DAAM1: variants seen among roughly 807,000 people sequenced by gnomAD.
DAAM1 encodes the protein dishevelled associated activator of morphogenesis 1.
Under a neutral mutation model 130.0 loss-of-function variants are expected in DAAM1, and 52 were observed. The observed-to-expected ratio is 0.40, with a 90% confidence interval of 0.32 to 0.50. DAAM1 has a LOEUF of 0.50. Among genes scored for constraint, DAAM1 ranks in the 20% least tolerant of loss-of-function variants. DAAM1 has a pLI of 0.61. For synonymous variants in DAAM1, 452 were observed against 444.5 expected (o/e 1.02, Z -0.21); for missense variants, 1,134 against 1,303.8 (o/e 0.87, Z 2.01).
chr14:59,366,125 C>G (rs1165214081), intron 23 of DAAM1, among the ~76,000 whole-genome samples: 1 of 141,106 alleles, frequency 7.1e-6, no homozygotes, highest in African/African-American at 3.2e-5. Flanking sequence ...GTGGCATGTA[C>G]CTATAGTCCC....
intron 1 of DAAM1, among the ~76,000 whole-genome samples, chr14:59,243,185 A>G (rs771457211): frequency 6.6e-5 from 10 of 152,180 alleles, no homozygotes; most frequent in Non-Finnish European, 1.2e-4. Context: ...GTAAGTGGCT[A>G]GGGAAATTCA....
At position 59,371,393 on chromosome 14, in the gene DAAM1, C is replaced by T. The variant is rs1158220726; in HGVS notation, c.*2534C>T. 6.6e-6 allele frequency: 1 copy of T among 152,002 alleles called. No individual in the cohort carries two copies. The highest frequency in any genetic ancestry group is 6.6e-5 in the Admixed American group (1 of 15,266). 9.4% of individuals were successfully genotyped at this position (152,002 alleles called of 1,614,324 possible). On this transcript the variant is annotated 3_prime_UTR_variant, in exon 25 of 25. Transcript: ENST00000360909. ...GCAATATGCAATAAAGAGATGAATT[C>T]ATTGGGTGTACATATATGCTTTCTA...
chr14:59,236,519 TTC>T (rs761321141), intron 1 of DAAM1, among the ~76,000 whole-genome samples: 1 of 152,180 alleles, frequency 6.6e-6, no homozygotes, highest in Non-Finnish European at 1.5e-5. Context: ...CATGGCTGTC[TTC>T]TTGTCGTCGT....
At chr14:59,189,061 C>T (rs775068331) in intron 1 of DAAM1, among the ~76,000 whole-genome samples, 21 of 152,204 alleles carry the variant, frequency 1.4e-4, no homozygotes, top group Non-Finnish European at 1.5e-5. Context: ...GGACTGGGGT[C>T]CCTCCCTTTC....
chr14:59,320,703 T>TTAA, intron 5 of DAAM1, 119 bp downstream of exon 5: 1 of 627,008 alleles, frequency 1.6e-6, no homozygotes, highest in Non-Finnish European at 2.5e-6. Context: ...ATAACATACT[T>TTAA]TAATCATTAA....
At chr14:59,216,447 G>A (rs1214746980) in intron 1 of DAAM1, among the ~76,000 whole-genome samples, 1 of 152,182 alleles carries the variant, frequency 6.6e-6, no homozygotes, top group Non-Finnish European at 1.5e-5. Context: ...CAGGCAGGAC[G>A]CAGTGGCTCA....
At chr14:59,265,756 G>A (rs1882407517) in intron 2 of DAAM1, 1 of 152,242 alleles carries the variant, frequency 6.6e-6, no homozygotes, top group African/African-American at 2.4e-5. Flanking sequence ...TGTCTACTGT[G>A]GGTCTGCTAT....
intron 1 of DAAM1, among the ~76,000 whole-genome samples, chr14:59,209,749 A>G (rs1888371900): frequency 6.6e-6 from 1 of 152,206 alleles, no homozygotes; most frequent in South Asian, 2.1e-4. Flanking sequence ...TGTTATCAAC[A>G]TACAATGGCT....
intron 1 of DAAM1, among the ~76,000 whole-genome samples, chr14:59,195,985 A>G (rs1448704577): frequency 6.6e-6 from 1 of 152,068 alleles, no homozygotes; most frequent in Non-Finnish European, 1.5e-5. Flanking sequence ...AAGGTGCCAT[A>G]TTTTAAAGCG....
At chr14:59,344,523 C>T (rs138663803) in intron 16 of DAAM1, among the ~76,000 whole-genome samples, 1 of 152,326 alleles carries the variant, frequency 6.6e-6, no homozygotes, top group Non-Finnish European at 1.5e-5. Context: ...ACTAAGAACT[C>T]TGCAACCTAT....
intron 20 of DAAM1, among the ~76,000 whole-genome samples, chr14:59,355,662 TAAG>T (rs1886452599): frequency 6.6e-6 from 1 of 152,192 alleles, no homozygotes; most frequent in African/African-American, 2.4e-5. Flanking sequence ...TATAATATAC[TAAG>T]AAGAGGTCAG....
intron 1 of DAAM1, among the ~76,000 whole-genome samples, chr14:59,220,009 G>A (rs1188784811): frequency 1.3e-5 from 2 of 152,080 alleles, no homozygotes; most frequent in African/African-American, 2.4e-5. Context: ...TATTGGTTTC[G>A]AAAAATACAG....
intron 23 of DAAM1, among the ~76,000 whole-genome samples, chr14:59,366,128 A>T (rs893664944): frequency 5.0e-5 from 7 of 141,234 alleles, no homozygotes; most frequent in African/African-American, 2.2e-4. Flanking sequence ...GCATGTACCT[A>T]TAGTCCCAGC....
intron 1 of DAAM1, among the ~76,000 whole-genome samples, chr14:59,251,584 A>C (rs1264618109): frequency 6.6e-6 from 1 of 152,102 alleles, no homozygotes; most frequent in Admixed American, 6.6e-5. Context: ...TGTCTTTGGA[A>C]GTTTTATAGC....
At chr14:59,209,047 G>T (rs1888349517) in intron 1 of DAAM1, among the ~76,000 whole-genome samples, 1 of 152,174 alleles carries the variant, frequency 6.6e-6, no homozygotes, top group South Asian at 2.1e-4. Flanking sequence ...AAATTATCCA[G>T]CCTCAGATAT....
intron 17 of DAAM1, among the ~76,000 whole-genome samples, chr14:59,350,065 C>G (rs1886230869): frequency 6.6e-6 from 1 of 152,114 alleles, no homozygotes; most frequent in African/African-American, 2.4e-5. Context: ...TCCTCCCTTA[C>G]TTCCCTGCAC....
chr14:59,246,374 A>C lies in DAAM1; in HGVS notation c.-37-17067A>C, dbSNP rs1348560029. ...TGTCTTCAACATTTACCCATGTAGC[A>C]TGTGACAAGTTTTCCTTCCTTTTTA... On this transcript the variant is annotated intron_variant, in intron 1 of 24. Transcript: ENST00000360909. Among the ~76,000 whole-genome samples, 4 of 152,320 alleles carry C rather than the reference A, an allele frequency of 2.6e-5. No homozygotes were observed. In the East Asian group the frequency reaches 7.7e-4, roughly 29 times the overall value.
At chr14:59,313,158 A>G (rs1305283642) in intron 3 of DAAM1, among the ~76,000 whole-genome samples, 1 of 152,202 alleles carries the variant, frequency 6.6e-6, no homozygotes, top group Non-Finnish European at 1.5e-5. Context: ...AATGCCTCAC[A>G]AAGGAGGAGG....
intron 1 of DAAM1, among the ~76,000 whole-genome samples, chr14:59,209,440 G>A (rs1888362471): frequency 6.6e-6 from 1 of 152,120 alleles, no homozygotes; most frequent in Admixed American, 6.6e-5. Context: ...AGGAAAGATG[G>A]TCCCCGACTT....
Sources: gnomAD v4.1 joint callset for allele counts (sites outside exome capture counted in the v4.1 genomes callset) on GRCh38, gnomAD v4.1.1 for gene constraint, MANE v1.5 for transcripts, NCBI Gene and HGNC (gene_info 2026-07-23, HGNC 2026-07-21) for gene names.